Variants in RSF1 observed in about 807,000 individuals in gnomAD.
RSF1 encodes remodeling and spacing factor 1.
RSF1 carries 13 observed loss-of-function variants against 145.2 expected under a neutral mutation model. The observed-to-expected ratio is 0.09, with a 90% CI of 0.06 to 0.14. RSF1 has a LOEUF of 0.14. Ranked by LOEUF, RSF1 falls within the 10% of genes least tolerant of loss-of-function variation. The pLI, the probability that RSF1 is intolerant of heterozygous loss-of-function variation, is 1.00. For synonymous variants in RSF1, 577 were observed against 592.6 expected (o/e 0.97, Z 0.38); for missense variants, 1,517 against 1,718.2 (o/e 0.88, Z 2.07).
chr11:77,705,514 G>C (rs540283212), intron 5 of RSF1, among the ~76,000 whole-genome samples: 36 of 152,320 alleles, frequency 2.4e-4, no homozygotes, highest in African/African-American at 8.7e-4. Context: ...AGAAGACACT[G>C]AGTTGCCTGC....
Position 77,820,571 on chromosome 11 carries a change from C to A in RSF1, c.144G>T (p.Glu48Asp). The A allele has an allele frequency of 6.4e-7, 1 of 1,556,810 alleles. No homozygotes were observed. Among genetic ancestry groups the A allele is most frequent in the East Asian group, 2.4e-5 (1 of 41,924 alleles). The change falls in exon 1 of 16, where the codon GAG becomes GAT. Residue 48 changes from glutamate (E) to aspartate (D), a missense_variant. Glu to Asp is a conservative substitution (Grantham distance 45). Around this residue, in one of 12 missense-constraint regions of RSF1, gnomAD observed 85 missense variants for 91.8 expected, o/e 0.93. Coordinates refer to ENST00000308488, the MANE Select transcript of RSF1 (RefSeq NM_016578.4). Reference sequence around the variant, plus strand: ...CCGGCGGCGGCGCCTGCAGCACCCGCTCCAGCTCAGGGAACGGCAACTCAG... The same window carrying A: ...CCGGCGGCGGCGCCTGCAGCACCCGATCCAGCTCAGGGAACGGCAACTCAG... ...DLPELPFPEL[E>D]RVLQAPPPDV...
At chr11:77,838,309 T>C in the RSF1 span, among the ~76,000 whole-genome samples, 2 of 152,216 alleles carry the variant, frequency 1.3e-5, no homozygotes, top group Non-Finnish European at 2.9e-5. Flanking sequence ...GAACATACCT[T>C]GTAGATATGG....
At chr11:77,672,601 A>G (rs1959586310) in intron 14 of RSF1, among the ~76,000 whole-genome samples, 1 of 152,090 alleles carries the variant, frequency 6.6e-6, no homozygotes, top group African/African-American at 2.4e-5. Flanking sequence ...AAATGACTCA[A>G]TCTGTGCAGG....
intron 1 of RSF1, among the ~76,000 whole-genome samples, chr11:77,777,724 C>T (rs771273412): frequency 6.6e-6 from 1 of 152,076 alleles, no homozygotes; most frequent in East Asian, 1.9e-4. Context: ...GTGGCACACA[C>T]CTGTAATCCT....
chr11:77,843,839 G>A, the RSF1 span, among the ~76,000 whole-genome samples: 4 of 152,098 alleles, frequency 2.6e-5, no homozygotes, highest in African/African-American at 9.7e-5. Flanking sequence ...CCACATGGCT[G>A]GGGAGGCCTC....
chr11:77,776,074 G>A (rs1211992595), intron 1 of RSF1, among the ~76,000 whole-genome samples: 1 of 152,134 alleles, frequency 6.6e-6, no homozygotes, highest in African/African-American at 2.4e-5. Context: ...CGCTGGGCAT[G>A]GTAGCATGTG....
upstream of RSF1, chr11:77,821,006 G>T: frequency 5.3e-6 from 2 of 378,280 alleles, no homozygotes; most frequent in Non-Finnish European, 9.6e-6. Context: ...GTGACAGGGG[G>T]AATGAAAACA....
rs1948516991 is a variant in RSF1, at chr11:77,791,507, G to T, written c.188-26818C>A. Among the ~76,000 whole-genome samples, 4 of 152,130 alleles carry T rather than the reference G, an allele frequency of 2.6e-5. No individual in the cohort carries two copies. The South Asian group carries it at 8.3e-4, about 32-fold the overall frequency. ...ACTTCAATTTCTCCTTAGAAAATGG[G>T]TTTTTCTTTTCTATTGTCAGGATGC... On this transcript the variant is annotated intron_variant, in intron 1 of 15. Transcript: ENST00000308488.
chr11:77,662,904 A>C lies in RSF1; in HGVS notation c.*4013T>G, dbSNP rs1219411084. ...GAAACTGTTGTCTAGATTTTCTGTA[A>C]TTAAATGATGTTCATAATATTTGTA... On this transcript the variant is annotated 3_prime_UTR_variant, in exon 16 of 16. Coordinates refer to ENST00000308488, the MANE Select transcript of RSF1 (RefSeq NM_016578.4). 1 of 152,216 alleles carries C rather than the reference A, an allele frequency of 6.6e-6. No homozygotes were observed. The highest frequency in any genetic ancestry group is 1.5e-5 in the Non-Finnish European group (1 of 68,026). 9.4% of individuals were successfully genotyped at this position (152,216 alleles called of 1,614,324 possible).
chr11:77,748,293 C>T (rs1948024467), intron 2 of RSF1, among the ~76,000 whole-genome samples: 1 of 147,832 alleles, frequency 6.8e-6, no homozygotes, highest in Non-Finnish European at 1.5e-5. Flanking sequence ...GACACGATCA[C>T]AGCTCACTGC....
chr11:77,872,177 G>A, the RSF1 span: 1 of 1,612,014 alleles, frequency 6.2e-7, no homozygotes, highest in Non-Finnish European at 8.5e-7. Flanking sequence ...CTTCCCAGGT[G>A]CCTTCATCAA....
chr11:77,674,167 C>A (rs2135814890), intron 14 of RSF1, among the ~76,000 whole-genome samples: 1 of 152,134 alleles, frequency 6.6e-6, no homozygotes, highest in Non-Finnish European at 1.5e-5. Flanking sequence ...ATGATATTAT[C>A]ATCACTTATT....
At chr11:77,784,222 A>G (rs894758157) in intron 1 of RSF1, among the ~76,000 whole-genome samples, 4 of 152,218 alleles carry the variant, frequency 2.6e-5, no homozygotes, top group African/African-American at 9.6e-5. Flanking sequence ...ATTTTAGGAT[A>G]AAGTCTACTG....
the RSF1 span, among the ~76,000 whole-genome samples, chr11:77,859,219 G>A: frequency 6.6e-6 from 1 of 152,174 alleles, no homozygotes; most frequent in East Asian, 1.9e-4. Flanking sequence ...TCCCAGAGGG[G>A]ATTACCCCAT....
chr11:77,832,991 G>A, the RSF1 span, among the ~76,000 whole-genome samples: 3,430 of 32,788 alleles, frequency 0.1, 425 homozygotes, highest in African/African-American at 0.28. Context: ...GTGTGTGTGT[G>A]TGTGTGTATA....
chr11:77,868,057 C>G, the RSF1 span, among the ~76,000 whole-genome samples: 1 of 125,134 alleles, frequency 8.0e-6, no homozygotes, highest in East Asian at 2.1e-4. Context: ...TTCCTCTGAG[C>G]CTTTTTTTTT....
At chr11:77,868,499 C>T in the RSF1 span, among the ~76,000 whole-genome samples, 1 of 151,722 alleles carries the variant, frequency 6.6e-6, no homozygotes, top group African/African-American at 2.4e-5. Flanking sequence ...GCTGGGACTA[C>T]AGGCACGCGC....
chr11:77,763,895 A>G (rs1185199542), intron 2 of RSF1: 1 of 151,896 alleles, frequency 6.6e-6, no homozygotes, highest in South Asian at 2.1e-4. Context: ...TGCGGAAGAT[A>G]ATTTGTCCAC....
At chr11:77,677,953 CAACT>C in intron 12 of RSF1, 129 bp downstream of exon 12, 1 of 590,580 alleles carries the variant, frequency 1.7e-6, no homozygotes, top group Non-Finnish European at 3.0e-6. Flanking sequence ...AAATCTGAGA[CAACT>C]AACATCAGTA....
Sources: allele counts gnomAD v4.1 joint callset (sites outside exome capture counted in the v4.1 genomes callset), GRCh38; gene constraint gnomAD v4.1.1; regional missense constraint gnomAD v4.1.1; transcripts MANE v1.5; gene names NCBI Gene and HGNC (gene_info 2026-07-23, HGNC 2026-07-21).